ADGRD1: variants seen among roughly 807,000 people sequenced by gnomAD.
ADGRD1 encodes adhesion G protein-coupled receptor D1, also known as G-protein coupled receptor 133.
In ADGRD1, 77 loss-of-function variants were observed where a neutral mutation model predicts 113.4. The ratio of observed to expected loss-of-function variants is 0.68; its 90% CI spans 0.57 to 0.82. The LOEUF (loss-of-function observed/expected upper bound fraction) is 0.82. Ranked by LOEUF, ADGRD1 falls within the 40% of genes least tolerant of loss-of-function variation. The probability of loss-of-function intolerance (pLI) is 0.00; values close to 1 mark genes in which losing one functional copy is unlikely to be tolerated. For missense variants in ADGRD1, 1,036 were observed against 1,139.1 expected (o/e 0.91, Z 1.30); for synonymous variants, 474 against 475.0 (o/e 1.00, Z 0.03).
At chr12:131,127,323 C>A (rs970577408) in intron 20 of ADGRD1, among the ~76,000 whole-genome samples, 6 of 152,238 alleles carry the variant, frequency 3.9e-5, no homozygotes, top group Non-Finnish European at 8.8e-5. Flanking sequence ...GCAAGTTGAT[C>A]ATCCTTTCGG....
intron 20 of ADGRD1, among the ~76,000 whole-genome samples, chr12:131,125,799 C>T (rs570221257): frequency 1.1e-4 from 16 of 152,292 alleles, no homozygotes; most frequent in African/African-American, 3.6e-4. Context: ...CCTAGCCTAC[C>T]TCAAACATTC....
intron 21 of ADGRD1, among the ~76,000 whole-genome samples, 158 bp downstream of exon 21, chr12:131,131,974 A>G (rs955201402): frequency 1.3e-5 from 2 of 152,064 alleles, no homozygotes; most frequent in Non-Finnish European, 2.9e-5. Flanking sequence ...CTCTGGTTTC[A>G]CGCCCTCGCT....
At position 131,139,188 on chromosome 12, in the gene ADGRD1, C is replaced by G. The variant is rs1374560895; in HGVS notation, c.2550C>G (p.Gly850=). 1 of 1,613,124 alleles carries G rather than the reference C, an allele frequency of 6.2e-7. No homozygotes were observed. The highest frequency in any genetic ancestry group is 1.1e-5 in the South Asian group (1 of 91,042). ...TGCAGATGAATGGGACCCGGCCAGGCATGGCCTCCACCAAGCTCAGCCCTT... is the reference window on the plus strand; with the variant it reads ...TGCAGATGAATGGGACCCGGCCAGGGATGGCCTCCACCAAGCTCAGCCCTT... ...HSDLMNGTRP[G]MASTKLSPWD... is the part of the protein sequence containing the mutation. The change falls in exon 25 of 25, where the codon GGC becomes GGG. Residue 850 remains glycine (G), a synonymous_variant. Transcript: ENST00000261654.
chr12:131,108,621 C>G (rs889297036), intron 17 of ADGRD1, 103 bp from the exon 18 acceptor site: 3 of 1,523,678 alleles, frequency 2.0e-6, no homozygotes, highest in Non-Finnish European at 2.7e-6. Flanking sequence ...GGTCACATGA[C>G]CAAAAGACCA....
chr12:131,040,705 G>C (rs751598868), intron 13 of ADGRD1, among the ~76,000 whole-genome samples: 14 of 152,230 alleles, frequency 9.2e-5, no homozygotes, highest in Non-Finnish European at 1.8e-4. Context: ...TGTAAGACAG[G>C]GATAGAACAA....
At chr12:131,099,769 G>A (rs1449668243) in intron 15 of ADGRD1, among the ~76,000 whole-genome samples, 3 of 152,162 alleles carry the variant, frequency 2.0e-5, no homozygotes, top group African/African-American at 7.2e-5. Context: ...CCTCCAATAT[G>A]TCTGGCCTTA....
intron 11 of ADGRD1, 133 bp downstream of exon 11, chr12:131,004,429 C>CGGGCCGCCTGCGGTGCTCCCCA: frequency 1.5e-6 from 1 of 665,818 alleles, no homozygotes; most frequent in Non-Finnish European, 2.6e-6. Flanking sequence ...GGTGCTCCCC[C>CGGGCCGCCTGCGGTGCTCCCCA]GGACTGCCTG....
intron 8 of ADGRD1, among the ~76,000 whole-genome samples, chr12:130,993,426 T>C (rs59977414): frequency 0.033 from 4,784 of 146,378 alleles, 177 homozygotes; most frequent in African/African-American, 0.093. Context: ...TACTAGATTC[T>C]GGGAGTGCAG....
chr12:131,004,395 G>GCGGTGCTCCCCCGGGCCGCCTT (rs1876828180), intron 11 of ADGRD1, 99 bp downstream of exon 11: 1 of 914,318 alleles, frequency 1.1e-6, no homozygotes, highest in Non-Finnish European at 1.7e-6. Context: ...CCAGGGAGCT[G>GCGGTGCTCCCCCGGGCCGCCTT]CGGTGCTCCC....
chr12:131,002,630 C>T, intron 9 of ADGRD1: 9 of 1,102,352 alleles, frequency 8.2e-6, no homozygotes, highest in Non-Finnish European at 1.0e-5. Context: ...CAGTGTCTAC[C>T]AGGATCCTCT....
intron 14 of ADGRD1, among the ~76,000 whole-genome samples, chr12:131,083,131 G>A (rs368947827): frequency 7.9e-5 from 12 of 152,156 alleles, no homozygotes; most frequent in African/African-American, 1.4e-4. Flanking sequence ...TGCTGACACC[G>A]CAGTTGAAAG....
rs1249688526 is a variant in ADGRD1, at chr12:130,958,396, C to T, written c.103+3736C>T. Among the ~76,000 whole-genome samples the T allele has an allele frequency of 3.3e-5, 5 of 152,036 alleles. No individual in the cohort carries two copies. In the East Asian group the frequency reaches 9.6e-4, roughly 29 times the overall value. ...TGTATTTTTAGTAGAGACGGGGTTT[C>T]ACCATGTTGACCAGGCTGGTCTCAA... On this transcript the variant is annotated intron_variant, in intron 2 of 24. Transcript: ENST00000261654.
Position 130,983,330 on chromosome 12 carries a change from G to A in ADGRD1, c.490+1267G>A, listed in dbSNP as rs559314354. On this transcript the variant is annotated intron_variant, in intron 5 of 24. Coordinates refer to ENST00000261654, the MANE Select transcript of ADGRD1 (RefSeq NM_198827.5). ...CACCTCTGTAAAGTGGGGCAGTTCAGCAAACATCTACTTCAAATTTGCCCT... is the reference window on the plus strand; with the variant it reads ...CACCTCTGTAAAGTGGGGCAGTTCAACAAACATCTACTTCAAATTTGCCCT... Among the ~76,000 whole-genome samples the A allele has an allele frequency of 1.3e-5, 2 of 152,280 alleles. 1 individual carries two copies. Among genetic ancestry groups the A allele is most frequent in the South Asian group, 4.1e-4 (2 of 4,824 alleles).
intron 8 of ADGRD1, among the ~76,000 whole-genome samples, chr12:130,997,347 G>T (rs1246374534): frequency 1.5e-4 from 22 of 150,832 alleles, no homozygotes; most frequent in Non-Finnish European, 2.4e-4. Flanking sequence ...GCCGGGCGGA[G>T]ACGCTCCTCA....
At position 131,042,979 on chromosome 12, in the gene ADGRD1, C is replaced by G. The variant is rs141016440; in HGVS notation, c.1473+28639C>G. Among the ~76,000 whole-genome samples, 412 of 152,368 alleles carry G rather than the reference C, an allele frequency of 2.7e-3. 1 individual carries two copies. Among genetic ancestry groups the G allele is most frequent in the African/African-American group, 9.4e-3 (393 of 41,594 alleles). On this transcript the variant is annotated intron_variant, in intron 13 of 24. Transcript: ENST00000261654. ...GCCCATGCGAGGCTGCGGCCCTCCC[C>G]GCCCTGCGGCCCTGCCAACCTGTGC... is the stretch of plus-strand genomic sequence containing the variant.
intron 10 of ADGRD1, 127 bp from the exon 11 acceptor site, chr12:131,004,059 G>A (rs2136739516): frequency 1.8e-6 from 1 of 568,090 alleles, no homozygotes; most frequent in Non-Finnish European, 3.2e-6. Context: ...GCTTTCTAAA[G>A]GTAATTATAC....
chr12:130,983,833 T>C (rs1873306489), intron 5 of ADGRD1, among the ~76,000 whole-genome samples: 1 of 152,202 alleles, frequency 6.6e-6, no homozygotes, highest in African/African-American at 2.4e-5. Context: ...AGGGCTGCCC[T>C]GTTCCTTCCA....
At chr12:131,053,301 C>T (rs1311033853) in intron 13 of ADGRD1, among the ~76,000 whole-genome samples, 1 of 152,228 alleles carries the variant, frequency 6.6e-6, no homozygotes, top group Admixed American at 6.5e-5. Flanking sequence ...ACATTTGCAC[C>T]CTGCTTTCTT....
rs1458010278 is a variant in ADGRD1 at position 130,954,729 on chromosome 12, C to T, written c.103+69C>T. 2.8e-6 allele frequency: 4 copies of T among 1,444,250 alleles called. No homozygotes were observed. The highest frequency in any genetic ancestry group is 4.5e-5 in the East Asian group (2 of 44,102). 89.5% of individuals were successfully genotyped at this position (1,444,250 alleles called of 1,614,324 possible). A position where few individuals can be genotyped will look rare whatever the true frequency, so the allele number is the denominator to read the frequency against. ...CCTAGTGCAGGTATCTCAGGAACAG[C>T]CCACTTGTTCATCTCTGAGGCATCA... On this transcript the variant is annotated intron_variant, in intron 2 of 24. Coordinates refer to ENST00000261654, the MANE Select transcript of ADGRD1 (RefSeq NM_198827.5). The surrounding 1 kb of genome is among the most constrained non-coding windows in gnomAD (Gnocchi z 4.7).
Sources: gnomAD v4.1 joint callset for allele counts (sites outside exome capture counted in the v4.1 genomes callset) on GRCh38, gnomAD v4.1.1 for gene constraint, Gnocchi (gnomAD v3.1) non-coding constraint, MANE v1.5 for transcripts, NCBI Gene and HGNC (gene_info 2026-07-23, HGNC 2026-07-21) for gene names.